The following SCEL variants were observed in gnomAD, a reference collection of about 807,000 sequenced individuals.
SCEL encodes sciellin.
Under a neutral mutation model 117.6 loss-of-function variants are expected in SCEL, and 113 were observed. That is an observed-to-expected ratio of 0.96 (90% CI 0.83 to 1.12). SCEL has a LOEUF of 1.12. Ranked by LOEUF, SCEL falls within the 50% of genes most tolerant of loss-of-function variation. SCEL has a pLI of 0.00. For synonymous variants in SCEL, 270 were observed against 256.2 expected, an observed-to-expected ratio of 1.05 and a Z score of -0.51; for missense variants, 785 against 810.8, an observed-to-expected ratio of 0.97 and a Z score of 0.39.
At chr13:77,602,778 AG>A in intron 17 of SCEL, 65 bp downstream of exon 17, 1 of 1,372,624 alleles carries the variant, frequency 7.3e-7, no homozygotes, top group Non-Finnish European at 1.0e-6. Flanking sequence ...TGTGATATTG[AG>A]GGCACCACAT....
At chr13:77,565,369 T>G (rs2085231164) in intron 5 of SCEL, among the ~76,000 whole-genome samples, 1 of 152,162 alleles carries the variant, frequency 6.6e-6, no homozygotes, top group Non-Finnish European at 1.5e-5. Flanking sequence ...TATGTGCAGC[T>G]GAGATTCAGA....
intron 8 of SCEL, 57 bp from the exon 9 acceptor site, chr13:77,572,067 T>A: frequency 7.2e-7 from 1 of 1,390,140 alleles, no homozygotes; most frequent in East Asian, 2.3e-5. Flanking sequence ...TTTTCAGACA[T>A]GTGGGTGGGA....
At position 77,608,283 on chromosome 13, in the gene SCEL, C is replaced by T. The variant is rs575566939; in HGVS notation, c.1217+168C>T. 6.6e-5 allele frequency among the ~76,000 whole-genome samples: 10 copies of T among 152,272 alleles called. No individual in the cohort carries two copies. The South Asian group carries it at 2.1e-3, about 32-fold the overall frequency. On this transcript the variant is annotated intron_variant, in intron 20 of 32. Coordinates refer to ENST00000349847, the MANE Select transcript of SCEL (RefSeq NM_144777.3). The stretch of plus-strand genomic sequence containing the variant: ...TCCCTTGAATGCTGAGCTTCAGCCT[C>T]CTTAGTTATAAACTGAGGATCATAA...
At chr13:77,616,076 G>A (rs2089013061) in intron 24 of SCEL, among the ~76,000 whole-genome samples, 1 of 150,848 alleles carries the variant, frequency 6.6e-6, no homozygotes, top group Non-Finnish European at 1.5e-5. Flanking sequence ...ATTAGGCTGT[G>A]ATGTAAAATG....
chr13:77,593,270 GTGTGTGTGTGTGTGTGTGTGTGTGTGTC>G (rs2086988893), intron 11 of SCEL, among the ~76,000 whole-genome samples: 1 of 104,044 alleles, frequency 9.6e-6, no homozygotes, highest in Non-Finnish European at 1.8e-5. Flanking sequence ...GTGTGTGTGT[GTGTGTGTGTGTGTGTGTGTGTGTGTGTC>G]TGTGTGTGTG....
chr13:77,598,223 CAA>C (rs1306640054), intron 13 of SCEL, among the ~76,000 whole-genome samples: 1 of 151,954 alleles, frequency 6.6e-6, no homozygotes, highest in Non-Finnish European at 1.5e-5. Context: ...TGAAATATGC[CAA>C]GAGAGAAAAA....
intron 27 of SCEL, among the ~76,000 whole-genome samples, chr13:77,618,629 T>A (rs1300882956): frequency 6.6e-6 from 1 of 152,186 alleles, no homozygotes; most frequent in Non-Finnish European, 1.5e-5. Context: ...CATACTGCAC[T>A]CTTCTGAAAT....
At chr13:77,563,328 C>T (rs2085091281) in intron 4 of SCEL, among the ~76,000 whole-genome samples, 1 of 151,748 alleles carries the variant, frequency 6.6e-6, no homozygotes, top group African/African-American at 2.4e-5. Flanking sequence ...CTCCTTCTGC[C>T]TGTAAGTTCC....
chr13:77,637,191 A>G lies in SCEL; in HGVS notation c.1835A>G (p.Asp612Gly), dbSNP rs532623607. 3 of 1,511,170 alleles carry G rather than the reference A, an allele frequency of 2.0e-6. No homozygotes were observed. The highest frequency in any genetic ancestry group is 1.2e-5 in the South Asian group (1 of 81,934). 93.6% of individuals were successfully genotyped at this position (1,511,170 alleles called of 1,614,324 possible). A position where few individuals can be genotyped will look rare whatever the true frequency, so the allele number is the denominator to read the frequency against. The part of the protein sequence containing the change: ...KYIQTVYSTS[D>G]RSVIERDMCT... ...ATACAAACTGTTTATTCAACTTCTG[A>G]TAGGTGAGTATGTCTTTATTTCCAT... The change falls in exon 30 of 33, where the codon GAT becomes GGT. Residue 612 changes from aspartate (D) to glycine (G), a missense_variant. Physicochemically the swap from Asp to Gly is moderately conservative, Grantham distance 94. Transcript: ENST00000349847.
intron 22 of SCEL, among the ~76,000 whole-genome samples, chr13:77,612,543 A>G (rs1169515974): frequency 2.0e-5 from 3 of 148,186 alleles, no homozygotes; most frequent in African/African-American, 7.4e-5. Context: ...ACATATGGAA[A>G]TAATGAATAA....
intron 1 of SCEL, among the ~76,000 whole-genome samples, chr13:77,548,967 G>T (rs114597085): frequency 0.016 from 2,508 of 152,162 alleles, 74 homozygotes; most frequent in African/African-American, 0.055. Context: ...GTCTGTTGAT[G>T]GACACTTAGG....
intron 21 of SCEL, 145 bp downstream of exon 21, chr13:77,609,262 T>TA: frequency 1.5e-6 from 1 of 677,068 alleles, no homozygotes; most frequent in Non-Finnish European, 2.3e-6. Flanking sequence ...TCTGAAATGT[T>TA]AAAAATTTTG....
chr13:77,613,776 G>A (rs964640426), intron 23 of SCEL, 117 bp from the exon 24 acceptor site: 1 of 792,806 alleles, frequency 1.3e-6, no homozygotes, highest in Non-Finnish European at 2.1e-6. Context: ...ATATAAATTG[G>A]AAACTCAGTA....
chr13:77,606,773 A>G (rs1233038537), intron 19 of SCEL, among the ~76,000 whole-genome samples: 1 of 152,210 alleles, frequency 6.6e-6, no homozygotes, highest in African/African-American at 2.4e-5. Context: ...TTGATGTTGT[A>G]TAGACAAAAC....
At chr13:77,553,251 C>A (rs1360459334) in intron 1 of SCEL, among the ~76,000 whole-genome samples, 1 of 152,192 alleles carries the variant, frequency 6.6e-6, no homozygotes, top group Non-Finnish European at 1.5e-5. Flanking sequence ...GAAACAGTCT[C>A]TTGGGAGGTA....
In SCEL at chr13:77,602,682, G is replaced by C. The variant is rs34164479; in HGVS notation, c.1006G>C (p.Val336Leu). The change falls in exon 17 of 33, where the codon GTG (valine) becomes CTG (leucine). Residue 336 changes from valine (V) to leucine (L), a missense_variant. Transcript: ENST00000349847. The stretch of plus-strand genomic sequence containing the variant: ...ACAAAATCTCGAATCTGTTGCTAAA[G>C]TGAATGCCAGGATGAATAAAACGAG... ...GRQNLESVAK[V>L]NARMNKTSRR... The C allele has an allele frequency of 1.6e-4, 252 of 1,613,818 alleles. 1 individual carries two copies. The African/African-American group carries it at 3.0e-3, about 19-fold the overall frequency.
At chr13:77,637,926 G>C (rs1410916085) in intron 30 of SCEL, among the ~76,000 whole-genome samples, 1 of 152,150 alleles carries the variant, frequency 6.6e-6, no homozygotes, top group Non-Finnish European at 1.5e-5. Context: ...GGAGCACCTA[G>C]GTGACACTTA....
chr13:77,571,654 A>T (rs1389063028), intron 8 of SCEL, among the ~76,000 whole-genome samples: 1 of 151,474 alleles, frequency 6.6e-6, no homozygotes, highest in Non-Finnish European at 1.5e-5. Flanking sequence ...GCGCCATTAC[A>T]CTCCGGCCTG....
chr13:77,640,593 A>G (rs549090493), intron 30 of SCEL, 83 bp from the exon 31 acceptor site: 1 of 529,134 alleles, frequency 1.9e-6, no homozygotes, highest in East Asian at 3.2e-5. Context: ...AAATTAATAT[A>G]CCGTTGCCAT....
Sources: allele counts gnomAD v4.1 joint callset (sites outside exome capture counted in the v4.1 genomes callset), GRCh38; gene constraint gnomAD v4.1.1; transcripts MANE v1.5; gene names NCBI Gene and HGNC (gene_info 2026-07-23, HGNC 2026-07-21).